Variants in TG observed in about 807,000 individuals in gnomAD.
TG encodes thyroid hormones.
A neutral mutation model predicts 324.7 loss-of-function variants in TG; 270 were observed. That is an observed-to-expected ratio of 0.83 (90% CI 0.75 to 0.92). The LOEUF (loss-of-function observed/expected upper bound fraction) is 0.92, where lower values mean the gene tolerates loss of function less well. Among genes scored for constraint, TG ranks in the 40% least tolerant of loss-of-function variants. The probability of loss-of-function intolerance (pLI) is 0.00; values close to 1 mark genes in which losing one functional copy is unlikely to be tolerated. For synonymous variants in TG, 1,401 were observed against 1,327.0 expected (o/e 1.06, Z -1.21); for missense variants, 3,591 against 3,456.4 (o/e 1.04, Z -0.98).
chr8:132,934,775 G>A (rs1823318638), intron 24 of TG, among the ~76,000 whole-genome samples: 1 of 152,246 alleles, frequency 6.6e-6, no homozygotes, highest in South Asian at 2.1e-4. Flanking sequence ...GCAAAATACT[G>A]GGAACAAAAC....
intron 27 of TG, among the ~76,000 whole-genome samples, chr8:132,953,242 T>C (rs1289024585): frequency 6.6e-6 from 1 of 151,706 alleles, no homozygotes; most frequent in Non-Finnish European, 1.5e-5. Flanking sequence ...AGGAGGTGAG[T>C]TTGTGGGGAG....
At chr8:132,903,949 A>C (rs914395349) in intron 16 of TG, among the ~76,000 whole-genome samples, 10 of 152,222 alleles carry the variant, frequency 6.6e-5, no homozygotes, top group African/African-American at 2.2e-4. Context: ...CTTAATACAT[A>C]TTATTACTAT....
chr8:132,906,271 C>G (rs1355624160), intron 16 of TG, among the ~76,000 whole-genome samples: 1 of 151,994 alleles, frequency 6.6e-6, no homozygotes, highest in Non-Finnish European at 1.5e-5. Flanking sequence ...AGGTGGCTGG[C>G]TTGGGATGGC....
intron 46 of TG, among the ~76,000 whole-genome samples, chr8:133,132,531 G>A (rs1277525115): frequency 6.6e-6 from 1 of 152,164 alleles, no homozygotes; most frequent in Non-Finnish European, 1.5e-5. Flanking sequence ...GTCCCCACCT[G>A]CAGAATTGGT....
At chr8:133,058,846 A>C (rs1294028058) in intron 41 of TG, among the ~76,000 whole-genome samples, 9 of 152,114 alleles carry the variant, frequency 5.9e-5, no homozygotes. Flanking sequence ...TCCCTCTTGC[A>C]TTTGGCTTGA....
At chr8:132,948,307 G>A (rs1289788330) in intron 26 of TG, among the ~76,000 whole-genome samples, 1 of 152,006 alleles carries the variant, frequency 6.6e-6, no homozygotes, top group East Asian at 1.9e-4. Flanking sequence ...GAGAGCGAGA[G>A]TGAGAGCGAG....
At chr8:133,106,078 G>A (rs1299733864) in intron 43 of TG, among the ~76,000 whole-genome samples, 1 of 152,172 alleles carries the variant, frequency 6.6e-6, no homozygotes, top group Non-Finnish European at 1.5e-5. Context: ...TTAGCTCTAG[G>A]TGGGGGTGGG....
chr8:132,983,325 T>C (rs1381238781), intron 34 of TG, 25 bp from the exon 35 acceptor site: 5 of 1,613,738 alleles, frequency 3.1e-6, no homozygotes, highest in South Asian at 1.1e-5. Context: ...AGAAAAGAAC[T>C]GAAAGACTGC....
intron 45 of TG, among the ~76,000 whole-genome samples, chr8:133,117,488 T>C (rs1409880502): frequency 1.3e-5 from 2 of 152,182 alleles, no homozygotes; most frequent in Non-Finnish European, 2.9e-5. Flanking sequence ...TACTGCCCCA[T>C]GAGCTTACAG....
At chr8:133,092,591 C>G (rs568676926) in intron 41 of TG, among the ~76,000 whole-genome samples, 1 of 152,300 alleles carries the variant, frequency 6.6e-6, no homozygotes, top group Admixed American at 6.5e-5. Flanking sequence ...CCTCATGCAT[C>G]TTTGCAGCAA....
chr8:133,026,859 GA>G (rs1356334918), intron 40 of TG, among the ~76,000 whole-genome samples: 1 of 152,240 alleles, frequency 6.6e-6, no homozygotes, highest in Non-Finnish European at 1.5e-5. Flanking sequence ...CATAACGTTA[GA>G]ACCTACACTT....
At chr8:132,938,563 T>C (rs561936066) in intron 25 of TG, among the ~76,000 whole-genome samples, 6 of 152,324 alleles carry the variant, frequency 3.9e-5, no homozygotes, top group African/African-American at 1.4e-4. Flanking sequence ...TTGTAGGCAC[T>C]GTGGATACAT....
At position 133,116,617 on chromosome 8, in the gene TG, T is replaced by C; in HGVS notation, c.7763T>C (p.Phe2588Ser). ...TGTTCTCTTTTCACCAGGGACTACT[T>C]TATCATCTGCCCTATAATCGACATG... ...RALENATRDY[F>S]IICPIIDMAS... Residue 2588 changes from phenylalanine (F) to serine (S), a missense_variant, in exon 45 of 48, where the codon TTT (phenylalanine) becomes TCT (serine). Coordinates refer to ENST00000220616, the MANE Select transcript of TG (RefSeq NM_003235.5). 2 of 1,614,144 alleles carry C rather than the reference T, an allele frequency of 1.2e-6. No individual in the cohort carries two copies. The highest frequency in any genetic ancestry group is 4.5e-5 in the East Asian group (2 of 44,884).
At chr8:133,008,407 C>T (rs961041390) in intron 35 of TG, among the ~76,000 whole-genome samples, 2 of 152,022 alleles carry the variant, frequency 1.3e-5, no homozygotes, top group Non-Finnish European at 2.9e-5. Context: ...CAGATAAGTA[C>T]TCACGATGCG....
chr8:133,073,342 T>G (rs1026767241), intron 41 of TG: 4 of 152,240 alleles, frequency 2.6e-5, no homozygotes, highest in African/African-American at 9.7e-5. Flanking sequence ...TATTAAGCAC[T>G]CTTAAATAGA....
At chr8:133,038,825 A>G (rs1837585261) in intron 41 of TG, 4 of 796,388 alleles carry the variant, frequency 5.0e-6, no homozygotes, top group Non-Finnish European at 8.1e-6. Flanking sequence ...GAATGAGAAC[A>G]GGAGGAAAAG....
chr8:132,869,586 C>T lies in TG; in HGVS notation c.177-143C>T, dbSNP rs948189099. ...CCTTTCCTTTCCCAGGTCAGCCACC[C>T]TTCTCCACTCCACTCTCTCCCTAAT... is the stretch of plus-strand genomic sequence containing the variant. On this transcript the variant is annotated intron_variant, in intron 2 of 47. Transcript: ENST00000220616. 1.2e-5 allele frequency: 9 copies of T among 738,326 alleles called. No individual in the cohort carries two copies. The African/African-American group carries it at 1.6e-4, about 13-fold the overall frequency. The allele number at this position is 738,326 out of a possible 1,614,324, so 45.7% of individuals were successfully genotyped here.
At chr8:133,058,164 G>T (rs773263868) in intron 41 of TG, among the ~76,000 whole-genome samples, 2 of 152,174 alleles carry the variant, frequency 1.3e-5, no homozygotes, top group Admixed American at 6.5e-5. Flanking sequence ...TCACTGCACC[G>T]CCTTCCCCTC....
chr8:133,034,686 G>T (rs77943926), intron 41 of TG, among the ~76,000 whole-genome samples: 1,923 of 152,088 alleles, frequency 0.013, 48 homozygotes, highest in African/African-American at 0.044. Context: ...CATAACATCT[G>T]CCAAGGGGGC....
Sources: allele counts gnomAD v4.1 joint callset (sites outside exome capture counted in the v4.1 genomes callset), GRCh38; gene constraint gnomAD v4.1.1; transcripts MANE v1.5; gene names NCBI Gene and HGNC (gene_info 2026-07-23, HGNC 2026-07-21).